Variants in DENND2B observed in about 807,000 individuals in gnomAD.
DENND2B encodes DENN domain containing 2B, also known as DENN domain-containing protein 2B.
In DENND2B, 32 loss-of-function variants were observed where a neutral mutation model predicts 116.0. The observed-to-expected ratio is 0.28, with a 90% CI of 0.21 to 0.37. The LOEUF (loss-of-function observed/expected upper bound fraction) is 0.37, where lower values mean the gene tolerates loss of function less well. Ranked by LOEUF, DENND2B falls within the 10% of genes least tolerant of loss-of-function variation. The pLI is 1.00. For synonymous variants in DENND2B, 588 were observed against 583.9 expected (o/e 1.01, Z -0.10); for missense variants, 1,276 against 1,477.7 (o/e 0.86, Z 2.24).
chr11:8,872,195 A>G (rs73410027), upstream of DENND2B, among the ~76,000 whole-genome samples: 17 of 152,294 alleles, frequency 1.1e-4, no homozygotes, highest in Middle Eastern at 3.4e-3. Flanking sequence ...TGAGTTTAAG[A>G]TACATCCTGA....
chr11:8,696,378 C>T (rs902030019), intron 18 of DENND2B, 49 bp downstream of exon 18: 3 of 1,604,892 alleles, frequency 1.9e-6, no homozygotes, highest in Non-Finnish European at 2.6e-6. Context: ...TTCTTCAGCC[C>T]TGCTGTGGGT....
chr11:8,715,557 C>A, intron 6 of DENND2B, 46 bp downstream of exon 6: 4 of 1,594,656 alleles, frequency 2.5e-6, no homozygotes, highest in Non-Finnish European at 3.4e-6. Flanking sequence ...TGGCTGCCTG[C>A]CCGCCCACCT....
chr11:8,718,167 T>C (rs1309189682), intron 4 of DENND2B: 27 of 459,830 alleles, frequency 5.9e-5, no homozygotes, highest in East Asian at 1.1e-4. Context: ...AATTCAGGGA[T>C]TGCACAAGAC....
At chr11:8,831,713 A>C (rs552445426) in intron 4 of DENND2B, 31 of 152,300 alleles carry the variant, frequency 2.0e-4, no homozygotes, top group Admixed American at 1.1e-3. Context: ...AAAAGATGGA[A>C]AAATTAAATT....
At chr11:8,891,156 G>A (rs1396602814) in intron 1 of DENND2B, among the ~76,000 whole-genome samples, 2 of 152,100 alleles carry the variant, frequency 1.3e-5, no homozygotes, top group African/African-American at 4.8e-5. Context: ...CATAAGTGAA[G>A]GAGAAATAAA....
intron 1 of DENND2B, chr11:8,807,932 T>TG (rs773839375): frequency 7.2e-5 from 11 of 152,376 alleles, no homozygotes; most frequent in Admixed American, 1.3e-4. Context: ...ACAGTAAAGC[T>TG]GGGGCTGTGG....
upstream of DENND2B, among the ~76,000 whole-genome samples, chr11:8,814,782 G>A (rs1243892192): frequency 1.3e-5 from 2 of 152,160 alleles, no homozygotes; most frequent in East Asian, 1.9e-4. Flanking sequence ...CCAGCTCACA[G>A]CTGGCACTCA....
chr11:8,699,784 C>A, intron 14 of DENND2B: 1 of 450,042 alleles, frequency 2.2e-6, no homozygotes, highest in Non-Finnish European at 4.4e-6. Context: ...CACATCAGAA[C>A]TAGGCAAGAG....
chr11:8,763,244 T>G (rs1424045019), intron 1 of DENND2B, among the ~76,000 whole-genome samples: 2 of 152,168 alleles, frequency 1.3e-5, no homozygotes, highest in Non-Finnish European at 2.9e-5. Flanking sequence ...TACCTACTGT[T>G]GGCAAGGATG....
intron 13 of DENND2B, among the ~76,000 whole-genome samples, chr11:8,704,890 CAG>C (rs2042331065): frequency 6.6e-6 from 1 of 151,734 alleles, no homozygotes; most frequent in Non-Finnish European, 1.5e-5. Flanking sequence ...TTGGAAGAGA[CAG>C]AGTTTCAACA....
upstream of DENND2B, among the ~76,000 whole-genome samples, chr11:8,872,485 TAAAAAA>T (rs398044981): frequency 9.7e-5 from 10 of 102,964 alleles, no homozygotes; most frequent in Non-Finnish European, 1.7e-4. Context: ...AGACTCCGTC[TAAAAAA>T]AAAAAAAAAA....
chr11:8,887,424 G>A (rs982404258), intron 1 of DENND2B, among the ~76,000 whole-genome samples: 15 of 152,058 alleles, frequency 9.9e-5, no homozygotes, highest in African/African-American at 3.4e-4. Context: ...AACAGAAAAT[G>A]GATTTGAAAA....
chr11:8,892,644 T>A (rs11042110), intron 1 of DENND2B, among the ~76,000 whole-genome samples: 4 of 151,638 alleles, frequency 2.6e-5, no homozygotes, highest in Non-Finnish European at 5.9e-5. Flanking sequence ...CTAGAAAATC[T>A]AGAAGAAATG....
chr11:8,864,347 A>G (rs957352911), intron 2 of DENND2B, among the ~76,000 whole-genome samples: 2 of 152,164 alleles, frequency 1.3e-5, no homozygotes, highest in African/African-American at 4.8e-5. Context: ...GGCTCCCTAC[A>G]GCCTTGACCT....
intron 19 of DENND2B, 101 bp downstream of exon 19, chr11:8,695,362 A>T: frequency 9.0e-7 from 1 of 1,111,880 alleles, no homozygotes; most frequent in South Asian, 1.3e-5. Flanking sequence ...CAGCCCCAGT[A>T]TAACACCTGT....
intron 1 of DENND2B, among the ~76,000 whole-genome samples, chr11:8,806,639 C>CA (rs1565991413): frequency 7.6e-4 from 112 of 147,716 alleles, no homozygotes; most frequent in South Asian, 1.3e-3. Context: ...CACACACACA[C>CA]CCAGGAGAGC....
intron 2 of DENND2B, among the ~76,000 whole-genome samples, 180 bp downstream of exon 2, chr11:8,750,441 A>G (rs1184794490): frequency 2.6e-5 from 4 of 152,238 alleles, no homozygotes; most frequent in Non-Finnish European, 5.9e-5. Flanking sequence ...ACTGTTTGCT[A>G]TATCACATAG....
At chr11:8,713,465 C>T (rs200904340) in intron 8 of DENND2B, among the ~76,000 whole-genome samples, 1 of 152,046 alleles carries the variant, frequency 6.6e-6, no homozygotes, top group Non-Finnish European at 1.5e-5. Flanking sequence ...CTACAACCTC[C>T]GCCTCCCGGG....
At chr11:8,811,405 C>A, upstream of DENND2B, 1 of 398,246 alleles carries the variant, frequency 2.5e-6, no homozygotes. Context: ...AGTCACAACC[C>A]AGACGACAAA....
Sources: allele counts gnomAD v4.1 joint callset (sites outside exome capture counted in the v4.1 genomes callset), GRCh38; gene constraint gnomAD v4.1.1; transcripts MANE v1.5; gene names NCBI Gene and HGNC (gene_info 2026-07-23, HGNC 2026-07-21).